CFTR: variants seen among roughly 807,000 people sequenced by gnomAD.
CFTR encodes cystic fibrosis transmembrane conductance regulator.
Under a neutral mutation model 171.6 loss-of-function variants are expected in CFTR, and 181 were observed. That is an observed-to-expected ratio of 1.05 (90% CI 0.93 to 1.19). CFTR has a LOEUF of 1.19. CFTR is among the 50% of genes most tolerant of loss of function. CFTR has a pLI of 0.00. For missense variants in CFTR, 1,968 were observed against 1,734.7 expected, an observed-to-expected ratio of 1.13 and a Z score of -2.39; for synonymous variants, 583 against 608.0, an observed-to-expected ratio of 0.96 and a Z score of 0.60.
chr7:117,664,672 T>G lies in CFTR; in HGVS notation c.3964-16T>G, dbSNP rs199672530. ...TTTTAACTCTGTGGTATCTGAACTA[T>G]CTTCTCTAACTGCAGGTTGGGCTCA... On this transcript the variant is annotated splice_polypyrimidine_tract_variant and intron_variant, in intron 24 of 26. Coordinates refer to ENST00000003084, the MANE Select transcript of CFTR (RefSeq NM_000492.4). 8.7e-6 allele frequency: 14 copies of G among 1,612,582 alleles called. No individual in the cohort carries two copies. In the South Asian group the frequency reaches 1.1e-4, roughly 13 times the overall value.
At chr7:117,595,087 T>C in intron 15 of CFTR, 29 bp downstream of exon 15, 2 of 1,592,274 alleles carry the variant, frequency 1.3e-6, no homozygotes. Flanking sequence ...AAAGTATTAC[T>C]GGATTTAAAG....
Position 117,666,946 on chromosome 7 carries a change from C to T in CFTR, c.4281C>T (p.Ile1427=). 6.2e-7 allele frequency: 1 copy of T among 1,614,050 alleles called. No homozygotes were observed. The highest frequency in any genetic ancestry group is 1.3e-5 in the African/African-American group (1 of 75,036). The change falls in exon 27 of 27, where the codon ATC becomes ATT. Residue 1427 remains isoleucine, a synonymous_variant. Coordinates refer to ENST00000003084, the MANE Select transcript of CFTR (RefSeq NM_000492.4). ...EENKVRQYDS[I]QKLLNERSLF... The stretch of plus-strand genomic sequence containing the variant: ...ACAAAGTGCGGCAGTACGATTCCAT[C>T]CAGAAACTGCTGAACGAGAGGAGCC...
At chr7:117,530,532 A>G (rs1031521182) in intron 3 of CFTR, among the ~76,000 whole-genome samples, 6 of 152,200 alleles carry the variant, frequency 3.9e-5, no homozygotes, top group Non-Finnish European at 8.8e-5. Context: ...GCCTACTCTG[A>G]TACTGAAAGT....
intron 11 of CFTR, chr7:117,564,931 G>C (rs940338213): frequency 6.6e-6 from 1 of 152,376 alleles, no homozygotes; most frequent in Non-Finnish European, 1.5e-5. Context: ...AGATAGTTCT[G>C]TGTTGATAGA....
At chr7:117,652,475 C>T (rs943081894) in intron 23 of CFTR, among the ~76,000 whole-genome samples, 1 of 152,080 alleles carries the variant, frequency 6.6e-6, no homozygotes, top group African/African-American at 2.4e-5. Flanking sequence ...AACTCATAAA[C>T]TTATTGGGTT....
chr7:117,589,731 G>A (rs1265589401), intron 12 of CFTR, among the ~76,000 whole-genome samples: 1 of 151,958 alleles, frequency 6.6e-6, no homozygotes, highest in Non-Finnish European at 1.5e-5. Flanking sequence ...GGAACAAAAT[G>A]CAATATCAAT....
chr7:117,630,704 C>T (rs2116137312), intron 22 of CFTR, among the ~76,000 whole-genome samples: 1 of 152,286 alleles, frequency 6.6e-6, no homozygotes, highest in Admixed American at 6.5e-5. Context: ...GGGCTCCAGT[C>T]CACGGTGGGC....
intron 3 of CFTR, among the ~76,000 whole-genome samples, chr7:117,522,944 G>T (rs1344737483): frequency 2.0e-5 from 3 of 152,162 alleles, no homozygotes; most frequent in Non-Finnish European, 4.4e-5. Context: ...GTTTCGGAGT[G>T]CTAATTTTGT....
At chr7:117,534,094 G>C (rs1223958258) in intron 4 of CFTR, among the ~76,000 whole-genome samples, 182 bp from the exon 5 acceptor site, 1 of 152,094 alleles carries the variant, frequency 6.6e-6, no homozygotes, top group Non-Finnish European at 1.5e-5. Context: ...GTATAATATT[G>C]ACTGTTGAAA....
chr7:117,484,408 C>T (rs1026455407), intron 1 of CFTR, among the ~76,000 whole-genome samples: 3 of 152,208 alleles, frequency 2.0e-5, no homozygotes, highest in Non-Finnish European at 2.9e-5. Flanking sequence ...TCCATATTCT[C>T]TCTTGGCTTT....
chr7:117,599,876 T>G (rs1407152038), intron 15 of CFTR, among the ~76,000 whole-genome samples: 1 of 152,080 alleles, frequency 6.6e-6, no homozygotes, highest in African/African-American at 2.4e-5. Flanking sequence ...GCATGTCACA[T>G]TCTGGTACAA....
chr7:117,622,300 T>G (rs1296711434), intron 21 of CFTR, among the ~76,000 whole-genome samples: 4 of 152,170 alleles, frequency 2.6e-5, no homozygotes, highest in African/African-American at 7.2e-5. Context: ...AGAGTCTGTT[T>G]TCTTGCTATT....
intron 11 of CFTR, chr7:117,564,867 A>G (rs575802687): frequency 1.7e-4 from 27 of 155,380 alleles, no homozygotes; most frequent in African/African-American, 5.8e-4. Context: ...TTGTTTTTGC[A>G]AATTATTCAC....
intron 23 of CFTR, among the ~76,000 whole-genome samples, chr7:117,644,166 G>A (rs1290815344): frequency 6.6e-6 from 1 of 151,666 alleles, no homozygotes; most frequent in Admixed American, 6.6e-5. Context: ...TCTTGATATC[G>A]ATGCTTTTCA....
intron 23 of CFTR, among the ~76,000 whole-genome samples, chr7:117,650,614 C>G (rs1793074944): frequency 2.6e-5 from 4 of 151,884 alleles, no homozygotes. Context: ...CATGATAATG[C>G]CATTATTCCG....
At chr7:117,532,996 T>A (rs1430878006) in intron 4 of CFTR, among the ~76,000 whole-genome samples, 1 of 152,202 alleles carries the variant, frequency 6.6e-6, no homozygotes, top group African/African-American at 2.4e-5. Flanking sequence ...TCTTCTCTGC[T>A]TTGTTCCAAA....
At chr7:117,542,328 C>T (rs1262111808) in intron 9 of CFTR, among the ~76,000 whole-genome samples, 1 of 152,100 alleles carries the variant, frequency 6.6e-6, no homozygotes, top group Non-Finnish European at 1.5e-5. Context: ...GGGTGGATCA[C>T]CTGAGGTCAG....
At chr7:117,614,317 G>GTACC (rs1332074371) in intron 20 of CFTR, among the ~76,000 whole-genome samples, 2 of 151,920 alleles carry the variant, frequency 1.3e-5, no homozygotes, top group African/African-American at 4.8e-5. Flanking sequence ...GACAAATATG[G>GTACC]TACCTACCCA....
At position 117,535,266 on chromosome 7, in the gene CFTR, T is replaced by C. The variant is rs397508766; in HGVS notation, c.598T>C (p.Phe200Leu). ...KFDEGLALAHFVWIAPLQVAL... is the reference protein window; with the variant it reads ...KFDEGLALAHLVWIAPLQVAL... Reference sequence around the variant, plus strand: ...TTTCCAGGGACTTGCATTGGCACATTTCGTGTGGATCGCTCCTTTGCAAGT... The same window carrying C: ...TTTCCAGGGACTTGCATTGGCACATCTCGTGTGGATCGCTCCTTTGCAAGT... The change falls in exon 6 of 27, where the codon TTC becomes CTC. Residue 200 changes from phenylalanine (F) to leucine (L), a missense_variant. Transcript: ENST00000003084. 6.2e-7 allele frequency: 1 copy of C among 1,614,100 alleles called. No homozygotes were observed.
Sources: allele counts gnomAD v4.1 joint callset (sites outside exome capture counted in the v4.1 genomes callset), GRCh38; gene constraint gnomAD v4.1.1; transcripts MANE v1.5; gene names NCBI Gene and HGNC (gene_info 2026-07-23, HGNC 2026-07-21).